The following METTL15 variants were observed in gnomAD, a reference collection of about 807,000 sequenced individuals.
METTL15 encodes the protein 12S rRNA N(4)-cytidine methyltransferase METTL15.
In METTL15, 34 loss-of-function variants were observed where a neutral mutation model predicts 38.3. The ratio of observed to expected loss-of-function variants is 0.89; its 90% CI spans 0.68 to 1.18. The LOEUF is 1.18. Ranked by LOEUF, METTL15 falls within the 50% of genes most tolerant of loss-of-function variation. METTL15 has a pLI of 0.00. For missense variants in METTL15, 438 were observed against 498.4 expected (o/e 0.88, Z 1.15); for synonymous variants, 162 against 170.9 (o/e 0.95, Z 0.41).
At chr11:28,382,846 AAAG>A (rs201192144) in intron 5 of METTL15, among the ~76,000 whole-genome samples, 2,621 of 152,022 alleles carry the variant, frequency 0.017, 47 homozygotes, top group African/African-American at 0.05. Flanking sequence ...AAAAAAAAAA[AAAG>A]AAAGTTCAAT....
At chr11:28,210,738 G>A (rs10835289) in intron 3 of METTL15, among the ~76,000 whole-genome samples, 13,331 of 151,982 alleles carry the variant, frequency 0.088, 1,038 homozygotes, top group East Asian at 0.36. Context: ...ATTACCAGCT[G>A]GATGCTGGGA....
chr11:28,472,607 A>G (rs953960011), intron 6 of METTL15, among the ~76,000 whole-genome samples: 1 of 152,164 alleles, frequency 6.6e-6, no homozygotes, highest in Non-Finnish European at 1.5e-5. Context: ...ATCAATCTGT[A>G]TCAGGCCTGT....
intron 5 of METTL15, among the ~76,000 whole-genome samples, chr11:28,378,133 G>T (rs4923530): frequency 2.0e-5 from 3 of 151,900 alleles, no homozygotes; most frequent in East Asian, 3.9e-4. Flanking sequence ...TGCCCCCAGA[G>T]GTGGAGCCTA....
chr11:28,472,547 T>A (rs1851311881), intron 6 of METTL15, among the ~76,000 whole-genome samples: 1 of 152,086 alleles, frequency 6.6e-6, no homozygotes, highest in African/African-American at 2.4e-5. Context: ...AAACATCTAG[T>A]CCAACAGGGC....
At chr11:28,451,568 G>C (rs2133448217) in intron 6 of METTL15, among the ~76,000 whole-genome samples, 1 of 152,042 alleles carries the variant, frequency 6.6e-6, no homozygotes, top group Admixed American at 6.5e-5. Context: ...CTGGGCAACA[G>C]AGTGAGACTC....
intron 6 of METTL15, among the ~76,000 whole-genome samples, chr11:28,505,885 A>G (rs1171389516): frequency 6.6e-6 from 1 of 152,188 alleles, no homozygotes; most frequent in African/African-American, 2.4e-5. Flanking sequence ...CCTTGAAGAG[A>G]CACTGGGAAA....
chr11:28,178,774 T>C (rs1851172066), intron 3 of METTL15, among the ~76,000 whole-genome samples: 1 of 151,870 alleles, frequency 6.6e-6, no homozygotes, highest in South Asian at 2.1e-4. Flanking sequence ...TCAAATCTTA[T>C]TCATTGCGAA....
At chr11:28,369,345 T>C (rs1850220574) in intron 5 of METTL15, among the ~76,000 whole-genome samples, 1 of 151,972 alleles carries the variant, frequency 6.6e-6, no homozygotes, top group African/African-American at 2.4e-5. Flanking sequence ...ACAGAACTTA[T>C]ACATTGAGAA....
chr11:28,458,421 T>C (rs1851188024), intron 6 of METTL15, among the ~76,000 whole-genome samples: 1 of 152,204 alleles, frequency 6.6e-6, no homozygotes, highest in African/African-American at 2.4e-5. Flanking sequence ...TCCATAAAAC[T>C]TGCCCAATGT....
At chr11:28,208,940 A>T (rs1299182505) in intron 3 of METTL15, among the ~76,000 whole-genome samples, 1 of 152,028 alleles carries the variant, frequency 6.6e-6, no homozygotes, top group Admixed American at 6.6e-5. Flanking sequence ...GTATTAACTC[A>T]GGACATATGA....
chr11:28,124,474 C>T (rs1852385155), intron 3 of METTL15, among the ~76,000 whole-genome samples: 1 of 151,908 alleles, frequency 6.6e-6, no homozygotes, highest in African/African-American at 2.4e-5. Context: ...ATCTCTCACT[C>T]GTGCAAGGAA....
chr11:28,464,430 A>T (rs1015243651), intron 6 of METTL15, among the ~76,000 whole-genome samples: 1 of 152,208 alleles, frequency 6.6e-6, no homozygotes, highest in African/African-American at 2.4e-5. Flanking sequence ...GAGTATGTAA[A>T]CAAATGAGTG....
At chr11:28,131,246 A>G (rs960648445) in intron 3 of METTL15, among the ~76,000 whole-genome samples, 3 of 152,196 alleles carry the variant, frequency 2.0e-5, no homozygotes, top group Admixed American at 6.5e-5. Context: ...TCACCTGGCA[A>G]CAGAGTTTCA....
intron 5 of METTL15, among the ~76,000 whole-genome samples, chr11:28,390,500 G>T (rs896428139): frequency 1.4e-4 from 22 of 152,016 alleles, no homozygotes; most frequent in Non-Finnish European, 2.4e-4. Context: ...TTTCCCCATT[G>T]CTTGTTTTTC....
intron 6 of METTL15, among the ~76,000 whole-genome samples, chr11:28,446,451 A>T (rs1851076037): frequency 6.6e-6 from 1 of 152,244 alleles, no homozygotes; most frequent in African/African-American, 2.4e-5. Flanking sequence ...GGTTTCCGGA[A>T]GGGCTGTCTG....
chr11:28,246,068 G>T (rs1298283626), intron 4 of METTL15, among the ~76,000 whole-genome samples: 1 of 152,060 alleles, frequency 6.6e-6, no homozygotes, highest in African/African-American at 2.4e-5. Flanking sequence ...GATGAAAAGA[G>T]GTTGATTAAT....
intron 3 of METTL15, among the ~76,000 whole-genome samples, chr11:28,189,372 A>T (rs1281755763): frequency 6.6e-6 from 1 of 151,348 alleles, no homozygotes; most frequent in African/African-American, 2.4e-5. Flanking sequence ...ACAGAATGTT[A>T]TAATAGATAA....
At chr11:28,390,661 A>C (rs371355545) in intron 5 of METTL15, among the ~76,000 whole-genome samples, 1 of 152,154 alleles carries the variant, frequency 6.6e-6, no homozygotes. Flanking sequence ...GTCAGGTAGC[A>C]TGATGCCTCC....
At chr11:28,377,081 C>T (rs1167272249) in intron 5 of METTL15, among the ~76,000 whole-genome samples, 13 of 135,038 alleles carry the variant, frequency 9.6e-5, no homozygotes, top group Non-Finnish European at 1.3e-4. Flanking sequence ...TTCTCTCTGG[C>T]TGCCCTCAAC....
Sources: gnomAD v4.1 joint callset for allele counts (sites outside exome capture counted in the v4.1 genomes callset) on GRCh38, gnomAD v4.1.1 for gene constraint, MANE v1.5 for transcripts, NCBI Gene and HGNC (gene_info 2026-07-23, HGNC 2026-07-21) for gene names.